The following DCAF5 variants were observed in gnomAD, a reference collection of about 807,000 sequenced individuals.
DCAF5 encodes DDB1- and CUL4-associated factor 5.
A neutral mutation model predicts 80.7 loss-of-function variants in DCAF5; 9 were observed. That is an observed-to-expected ratio of 0.11 (90% CI 0.07 to 0.19). DCAF5 has a LOEUF of 0.19. DCAF5 is among the 10% of genes least tolerant of loss of function. The pLI is 1.00. For synonymous variants in DCAF5, 433 were observed against 461.9 expected (o/e 0.94, Z 0.80); for missense variants, 842 against 1,205.7 (o/e 0.70, Z 4.47).
intron 5 of DCAF5, among the ~76,000 whole-genome samples, chr14:69,095,449 AC>A (rs2039673042): frequency 6.6e-6 from 1 of 152,204 alleles, no homozygotes; most frequent in Non-Finnish European, 1.5e-5. Context: ...GATCCAAAAG[AC>A]CTAGGGCGAA....
chr14:69,136,818 A>T (rs1340724879), intron 1 of DCAF5, among the ~76,000 whole-genome samples: 1 of 152,180 alleles, frequency 6.6e-6, no homozygotes, highest in Non-Finnish European at 1.5e-5. Context: ...TCCAGCCCAA[A>T]ATGTCGGTAA....
chr14:69,146,840 G>T (rs1446625716), intron 1 of DCAF5, among the ~76,000 whole-genome samples: 2 of 152,108 alleles, frequency 1.3e-5, no homozygotes, highest in African/African-American at 2.4e-5. Flanking sequence ...AAGAAAATTT[G>T]AAAACTGATT....
At chr14:69,131,947 C>T (rs889366624) in intron 1 of DCAF5, among the ~76,000 whole-genome samples, 1 of 152,082 alleles carries the variant, frequency 6.6e-6, no homozygotes, top group Non-Finnish European at 1.5e-5. Context: ...CAAGGTTCAT[C>T]CATGTTGTAG....
chr14:69,085,230 T>G (rs943560710), intron 6 of DCAF5: 19 of 711,672 alleles, frequency 2.7e-5, no homozygotes, highest in African/African-American at 1.6e-4. Context: ...TCAAGGTGCC[T>G]CCCTTTGTTG....
intron 1 of DCAF5, among the ~76,000 whole-genome samples, chr14:69,135,395 A>T (rs1482217537): frequency 6.6e-6 from 1 of 152,256 alleles, no homozygotes; most frequent in Non-Finnish European, 1.5e-5. Flanking sequence ...CAACCAGAGT[A>T]CACATCTAAA....
At chr14:69,082,723 A>G (rs1218593627) in intron 6 of DCAF5, among the ~76,000 whole-genome samples, 1 of 152,244 alleles carries the variant, frequency 6.6e-6, no homozygotes, top group East Asian at 1.9e-4. Flanking sequence ...CAGTCCATAT[A>G]TGAGTATTTA....
chr14:69,130,100 C>G (rs2040997275), intron 1 of DCAF5, among the ~76,000 whole-genome samples: 1 of 152,208 alleles, frequency 6.6e-6, no homozygotes, highest in African/African-American at 2.4e-5. Flanking sequence ...TTACAACACA[C>G]TATAACAAAG....
chr14:69,132,575 G>T (rs151130770), intron 1 of DCAF5, among the ~76,000 whole-genome samples: 1 of 152,180 alleles, frequency 6.6e-6, no homozygotes, highest in African/African-American at 2.4e-5. Flanking sequence ...CTGCCTCAAG[G>T]AACATCATAT....
At chr14:69,120,176 T>A (rs1390430140) in intron 2 of DCAF5, among the ~76,000 whole-genome samples, 1 of 152,144 alleles carries the variant, frequency 6.6e-6, no homozygotes, top group African/African-American at 2.4e-5. Context: ...CTTGACCTCC[T>A]GTGCTCAAGC....
At position 69,105,917 on chromosome 14, in the gene DCAF5, A is replaced by T. The variant is rs1274675551; in HGVS notation, c.665+10449T>A. Among the ~76,000 whole-genome samples, 69 of 24,382 alleles carry T rather than the reference A, an allele frequency of 2.8e-3. 1 individual carries two copies. Among genetic ancestry groups the T allele is most frequent in the African/African-American group, 0.013 (63 of 4,840 alleles). The allele number at this position is 24,382 out of a possible 152,430, so 16.0% of individuals were successfully genotyped here. A position where few individuals can be genotyped will look rare whatever the true frequency, so the allele number is the denominator to read the frequency against. On this transcript the variant is annotated intron_variant, in intron 5 of 8. Transcript: ENST00000341516. ...CCAATTTTCCCTAATAAACTGTCATATATATATATATATATATATATATAT... is the reference window on the plus strand; with the variant it reads ...CCAATTTTCCCTAATAAACTGTCATTTATATATATATATATATATATATAT...
chr14:69,090,168 A>C, intron 6 of DCAF5: 1 of 956,200 alleles, frequency 1.0e-6, no homozygotes, highest in Non-Finnish European at 1.2e-6. Context: ...CAACAAAAGC[A>C]AAGAAAGAAG....
At chr14:69,075,306 C>T (rs768340849) in intron 7 of DCAF5, 39 bp downstream of exon 7, 4 of 1,569,530 alleles carry the variant, frequency 2.5e-6, no homozygotes, top group Middle Eastern at 1.7e-4. Flanking sequence ...GTCAACAGAG[C>T]CAGCAATAGC....
chr14:69,054,225 C>G lies in DCAF5; in HGVS notation c.2461G>C (p.Glu821Gln). 6.2e-7 allele frequency: 1 copy of G among 1,614,240 alleles called. No homozygotes were observed. Among genetic ancestry groups the G allele is most frequent in the Non-Finnish European group, 8.5e-7 (1 of 1,180,044 alleles). Reference protein sequence around the residue: ...NCPRTQSDDSEERSLETICAN... With the variant: ...NCPRTQSDDSQERSLETICAN... ...CAGATGGTTTCGAGGCTCCTCTCCT[C>G]ACTGTCATCAGACTGGGTCCTGGGA... is the stretch of plus-strand genomic sequence containing the variant. Residue 821 changes from glutamate (E) to glutamine (Q), a missense_variant, in exon 9 of 9, where the codon GAG becomes CAG. Transcript: ENST00000341516.
chr14:69,103,116 C>T (rs992255944), intron 5 of DCAF5, among the ~76,000 whole-genome samples: 1 of 152,050 alleles, frequency 6.6e-6, no homozygotes. Flanking sequence ...GCAGAACACA[C>T]GTGTATATGG....
chr14:69,059,574 C>A (rs1373719235), intron 8 of DCAF5, among the ~76,000 whole-genome samples: 2 of 152,196 alleles, frequency 1.3e-5, no homozygotes, highest in East Asian at 3.9e-4. Flanking sequence ...CGAGACTCAG[C>A]GGCCTTTCAG....
chr14:69,142,593 C>G (rs2140117509), intron 1 of DCAF5, among the ~76,000 whole-genome samples: 1 of 152,266 alleles, frequency 6.6e-6, no homozygotes, highest in African/African-American at 2.4e-5. Context: ...GTTACACCTC[C>G]CTTTATGATA....
chr14:69,105,499 G>C (rs1030951930), intron 5 of DCAF5, among the ~76,000 whole-genome samples: 2 of 152,126 alleles, frequency 1.3e-5, no homozygotes, highest in African/African-American at 2.4e-5. Flanking sequence ...CTGTGAGCCT[G>C]TTTCCAGAGG....
chr14:69,074,470 A>G (rs1311945388), intron 7 of DCAF5, among the ~76,000 whole-genome samples: 2 of 152,260 alleles, frequency 1.3e-5, no homozygotes, highest in African/African-American at 2.4e-5. Context: ...AAGCTCAGAT[A>G]GCTTAAATAC....
Position 69,054,446 on chromosome 14 carries a change from T to C in DCAF5, c.2240A>G (p.His747Arg), listed in dbSNP as rs1311589345. ...TGCCCAAGCATGGCTGCTGTGCTCA[T>C]GGCCTGGGCCATTGCTGGGAGTTCT... ...TPRTPSNGPG[H>R]EHSSHAWAEV... The change falls in exon 9 of 9, where the codon CAT becomes CGT. Residue 747 changes from histidine (H) to arginine (R), a missense_variant. Coordinates refer to ENST00000341516, the MANE Select transcript of DCAF5 (RefSeq NM_003861.3). 1.2e-6 allele frequency: 2 copies of C among 1,614,096 alleles called. No individual in the cohort carries two copies. Among genetic ancestry groups the C allele is most frequent in the Middle Eastern group, 1.6e-4 (1 of 6,062 alleles).
Sources: gnomAD v4.1 joint callset for allele counts (sites outside exome capture counted in the v4.1 genomes callset) on GRCh38, gnomAD v4.1.1 for gene constraint, MANE v1.5 for transcripts, NCBI Gene and HGNC (gene_info 2026-07-23, HGNC 2026-07-21) for gene names.